The following NFIA variants were observed in gnomAD, a reference collection of about 807,000 sequenced individuals.
NFIA encodes the protein nuclear factor 1 A-type.
NFIA carries 8 observed loss-of-function variants against 62.8 expected under a neutral mutation model. That is an observed-to-expected ratio of 0.13 (90% CI 0.07 to 0.23). The LOEUF (loss-of-function observed/expected upper bound fraction) is 0.23, where lower values mean the gene tolerates loss of function less well. Ranked by LOEUF, NFIA falls within the 10% of genes least tolerant of loss-of-function variation. NFIA has a pLI of 1.00. For missense variants in NFIA, 410 were observed against 642.1 expected (o/e 0.64, Z 3.91); for synonymous variants, 235 against 238.1 (o/e 0.99, Z 0.12).
In NFIA at chr1:61,115,583, A is replaced by G. The variant is rs145112165; in HGVS notation, c.559+26903A>G. 2.7e-3 allele frequency among the ~76,000 whole-genome samples: 412 copies of G among 152,326 alleles called. 1 individual carries two copies. The highest frequency in any genetic ancestry group is 9.4e-3 in the African/African-American group (391 of 41,566). On this transcript the variant is annotated intron_variant, in intron 2 of 10. Coordinates refer to ENST00000403491, the MANE Select transcript of NFIA (RefSeq NM_001134673.4). Reference sequence around the variant, plus strand: ...AGGGACAGAGCATGGAGATGGGCATATGTAGCGTGTGTTCTGGACACGGCA... The same window carrying G: ...AGGGACAGAGCATGGAGATGGGCATGTGTAGCGTGTGTTCTGGACACGGCA...
intron 2 of NFIA, among the ~76,000 whole-genome samples, chr1:61,121,861 C>A (rs751932923): frequency 1.3e-5 from 2 of 152,128 alleles, no homozygotes; most frequent in African/African-American, 2.4e-5. Flanking sequence ...GAAGTTACAT[C>A]ACTGTGCAGT....
chr1:61,214,681 A>G (rs1653496190), intron 2 of NFIA, among the ~76,000 whole-genome samples: 1 of 152,184 alleles, frequency 6.6e-6, no homozygotes, highest in Non-Finnish European at 1.5e-5. Flanking sequence ...CTCTGTCCCC[A>G]GTCCCCTTGC....
intron 2 of NFIA, among the ~76,000 whole-genome samples, chr1:61,242,240 G>T (rs553641588): frequency 4.6e-5 from 7 of 152,148 alleles, no homozygotes; most frequent in Non-Finnish European, 1.0e-4. Context: ...AGCTCAATAG[G>T]GATCTCCAGG....
intron 2 of NFIA, among the ~76,000 whole-genome samples, chr1:61,170,118 A>G (rs989545100): frequency 6.6e-6 from 1 of 152,088 alleles, no homozygotes; most frequent in Non-Finnish European, 1.5e-5. Context: ...TGGCCTCCTC[A>G]TCTGGCTATA....
chr1:61,272,220 T>A (rs1657551464), intron 2 of NFIA, among the ~76,000 whole-genome samples: 1 of 152,236 alleles, frequency 6.6e-6, no homozygotes. Flanking sequence ...TGTTTACCCT[T>A]AAGCTACAAA....
At chr1:61,294,341 A>G (rs1298476214) in intron 3 of NFIA, among the ~76,000 whole-genome samples, 1 of 152,246 alleles carries the variant, frequency 6.6e-6, no homozygotes, top group East Asian at 1.9e-4. Context: ...GTAAAGTTTC[A>G]TGCATCCAAT....
Position 61,458,395 on chromosome 1 carries a change from T to TG in NFIA, c.*3076dup, listed in dbSNP as rs1453591454. 2 of 152,186 alleles carry TG rather than the reference T, an allele frequency of 1.3e-5. No individual in the cohort carries two copies. Among genetic ancestry groups the TG allele is most frequent in the Non-Finnish European group, 2.9e-5 (2 of 68,022 alleles). The allele number at this position is 152,186 out of a possible 1,614,324, so 9.4% of individuals were successfully genotyped here. A position where few individuals can be genotyped will look rare whatever the true frequency, so the allele number is the denominator to read the frequency against. ...AAGCAATAGTTTGGGCAGTTTTAGT[T>TG]GTTTTTAGTGAGCATGTTGTAGTCA... On this transcript the variant is annotated 3_prime_UTR_variant, in exon 11 of 11. Coordinates refer to ENST00000403491, the MANE Select transcript of NFIA (RefSeq NM_001134673.4).
intron 2 of NFIA, among the ~76,000 whole-genome samples, chr1:61,172,110 G>A (rs79069256): frequency 5.5e-4 from 84 of 152,258 alleles, no homozygotes; most frequent in East Asian, 9.7e-4. Flanking sequence ...CCTTAGTCAC[G>A]TGACTGGAAT....
chr1:61,127,461 T>TA (rs879760637), intron 2 of NFIA, among the ~76,000 whole-genome samples: 96 of 141,742 alleles, frequency 6.8e-4, no homozygotes, highest in South Asian at 1.6e-3. Context: ...GATTCCATAT[T>TA]AAAAAAAAAA....
At position 61,365,776 on chromosome 1, in the gene NFIA, T is replaced by C. The variant is rs563433778; in HGVS notation, c.946+6502T>C. 3.3e-5 allele frequency among the ~76,000 whole-genome samples: 5 copies of C among 152,334 alleles called. No individual in the cohort carries two copies. In the South Asian group the frequency reaches 1.0e-3, roughly 32 times the overall value. The stretch of plus-strand genomic sequence containing the variant: ...GGTGGGAACTGTTCCTTCTGCTCCA[T>C]CTCTGTCACAAAGTTATGACAGATG... On this transcript the variant is annotated intron_variant, in intron 6 of 10. Transcript: ENST00000403491.
chr1:61,352,832 A>G (rs888466957), intron 5 of NFIA, among the ~76,000 whole-genome samples: 14 of 152,104 alleles, frequency 9.2e-5, no homozygotes, highest in African/African-American at 3.4e-4. Flanking sequence ...CACAGGCTAA[A>G]AATAGTTAAA....
At chr1:61,352,175 T>G (rs1662579161) in intron 4 of NFIA, among the ~76,000 whole-genome samples, 1 of 152,198 alleles carries the variant, frequency 6.6e-6, no homozygotes, top group Non-Finnish European at 1.5e-5. Context: ...GGGAAGTATT[T>G]TTGTTAAAAG....
chr1:61,120,950 G>A (rs1190572017), intron 2 of NFIA, among the ~76,000 whole-genome samples: 2 of 152,130 alleles, frequency 1.3e-5, no homozygotes, highest in East Asian at 3.9e-4. Context: ...AATATATTTT[G>A]TGAACAGTAT....
At chr1:61,369,781 C>CAT (rs1172626691) in intron 6 of NFIA, among the ~76,000 whole-genome samples, 3 of 152,030 alleles carry the variant, frequency 2.0e-5, no homozygotes, top group South Asian at 4.1e-4. Flanking sequence ...TATATGCACA[C>CAT]ATATATAAAT....
In NFIA at chr1:61,434,177, G is replaced by A. The variant is rs528620086; in HGVS notation, c.1512+7621G>A. ...GAGACAATGTCTCTGAGAGTGGTAA[G>A]GACTGGCAGGAAGTGAATGCACCCC... On this transcript the variant is annotated intron_variant, in intron 10 of 10. Transcript: ENST00000403491. Among the ~76,000 whole-genome samples, 13 of 152,312 alleles carry A rather than the reference G, an allele frequency of 8.5e-5. No homozygotes were observed. The South Asian group carries it at 2.5e-3, about 29-fold the overall frequency.
chr1:61,337,177 G>A (rs1570600569), intron 4 of NFIA, among the ~76,000 whole-genome samples: 1 of 152,226 alleles, frequency 6.6e-6, no homozygotes, highest in Admixed American at 6.5e-5. Flanking sequence ...CAGAGGTGAG[G>A]GATGAGGCAA....
intron 3 of NFIA, among the ~76,000 whole-genome samples, chr1:61,327,667 A>G (rs994857317): frequency 7.2e-5 from 11 of 152,110 alleles, no homozygotes; most frequent in Admixed American, 1.3e-4. Flanking sequence ...TCCTTGGCCA[A>G]TGGGCATTTA....
At chr1:61,093,096 T>A (rs1646348847) in intron 2 of NFIA, among the ~76,000 whole-genome samples, 1 of 152,228 alleles carries the variant, frequency 6.6e-6, no homozygotes, top group Non-Finnish European at 1.5e-5. Context: ...GAAAATTATT[T>A]TAATTTTTAG....
At chr1:61,216,715 T>G (rs1009124031) in intron 2 of NFIA, among the ~76,000 whole-genome samples, 2 of 152,144 alleles carry the variant, frequency 1.3e-5, no homozygotes, top group Non-Finnish European at 2.9e-5. Flanking sequence ...AAAAGGGGAT[T>G]GAGGCTGGAA....
Sources: allele counts gnomAD v4.1 joint callset (sites outside exome capture counted in the v4.1 genomes callset), GRCh38; gene constraint gnomAD v4.1.1; transcripts MANE v1.5; gene names NCBI Gene and HGNC (gene_info 2026-07-23, HGNC 2026-07-21).